The following SVIL variants were observed in gnomAD, a reference collection of about 807,000 sequenced individuals.
SVIL encodes the protein archvillin.
A neutral mutation model predicts 240.4 loss-of-function variants in SVIL; 101 were observed. The observed-to-expected ratio is 0.42, with a 90% CI of 0.36 to 0.50. The LOEUF (loss-of-function observed/expected upper bound fraction) is 0.50, where lower values mean the gene tolerates loss of function less well. Ranked by LOEUF, SVIL falls within the 20% of genes least tolerant of loss-of-function variation. SVIL has a pLI of 0.01. For missense variants in SVIL, 2,512 were observed against 2,818.7 expected, an observed-to-expected ratio of 0.89 and a Z score of 2.46; for synonymous variants, 999 against 1,100.0, an observed-to-expected ratio of 0.91 and a Z score of 1.82.
intron 1 of SVIL, among the ~76,000 whole-genome samples, chr10:29,697,607 G>A (rs1962189197): frequency 8.0e-6 from 1 of 124,558 alleles, no homozygotes; most frequent in South Asian, 2.6e-4. Flanking sequence ...TTAAACAGAT[G>A]CTTGAAGGCA....
intron 2 of SVIL, among the ~76,000 whole-genome samples, chr10:29,681,413 G>GTGTGTGTA (rs756938750): frequency 0.017 from 2,514 of 149,336 alleles, 53 homozygotes; most frequent in East Asian, 0.091. Context: ...AATGGTGTGT[G>GTGTGTGTA]TGTGTGTGTG....
At chr10:29,530,768 A>G (rs757786114) in intron 10 of SVIL, 100 bp from the exon 11 acceptor site, 3 of 1,248,042 alleles carry the variant, frequency 2.4e-6, no homozygotes, top group Non-Finnish European at 3.5e-6. Flanking sequence ...TTTGAATACA[A>G]CAATAGGTGC....
chr10:29,527,505 C>A (rs989277254), intron 12 of SVIL, among the ~76,000 whole-genome samples: 1 of 152,098 alleles, frequency 6.6e-6, no homozygotes, highest in Non-Finnish European at 1.5e-5. Flanking sequence ...TGGCTCACTG[C>A]AAACTCCGCC....
Position 29,550,603 on chromosome 10 carries a change from C to G in SVIL, c.821G>C (p.Arg274Pro). Reference protein sequence around the residue: ...FGDPQLSPEARPSTGKPKHEW... With the variant: ...FGDPQLSPEAPPSTGKPKHEW... ...GCGTGGACTGGATGCTTACCTGGGT[C>G]GGGCCTCAGGGGATAGCTGTGGGTC... The change falls in exon 6 of 38, where the codon CGA becomes CCA. Residue 274 changes from arginine to proline, a missense_variant. By Grantham distance (103) the Arg-to-Pro change is moderately radical (BLOSUM62 -2). Coordinates refer to ENST00000355867, the MANE Select transcript of SVIL (RefSeq NM_021738.3). 7 of 1,605,926 alleles carry G rather than the reference C, an allele frequency of 4.4e-6. No homozygotes were observed. Among genetic ancestry groups the G allele is most frequent in the Non-Finnish European group, 6.0e-6 (7 of 1,176,200 alleles).
chr10:29,632,827 A>C (rs1958151739), intron 1 of SVIL, among the ~76,000 whole-genome samples: 1 of 118,266 alleles, frequency 8.5e-6, no homozygotes, highest in Non-Finnish European at 1.8e-5. Context: ...AGGTGACCAA[A>C]TAAATTATCT....
intron 2 of SVIL, among the ~76,000 whole-genome samples, chr10:29,565,631 T>G (rs1348918788): frequency 6.6e-6 from 1 of 152,060 alleles, no homozygotes; most frequent in Non-Finnish European, 1.5e-5. Context: ...ACACACCTCG[T>G]TAACCCCAGC....
chr10:29,638,842 A>G (rs1320141522), upstream of SVIL, among the ~76,000 whole-genome samples: 1 of 152,324 alleles, frequency 6.6e-6, no homozygotes, highest in East Asian at 1.9e-4. Context: ...CCTGCACATA[A>G]TTTTCAGAAA....
intron 1 of SVIL, among the ~76,000 whole-genome samples, chr10:29,605,406 T>C (rs2132854138): frequency 6.6e-6 from 1 of 152,362 alleles, no homozygotes; most frequent in Non-Finnish European, 1.5e-5. Flanking sequence ...AGAGCAGCTC[T>C]AGAGTTTTGC....
chr10:29,515,019 C>A (rs1950117317), intron 16 of SVIL, among the ~76,000 whole-genome samples: 1 of 152,182 alleles, frequency 6.6e-6, no homozygotes, highest in Non-Finnish European at 1.5e-5. Context: ...AAGGAATCCC[C>A]CAAAGGAGGC....
chr10:29,659,036 G>A (rs762161204), intron 2 of SVIL, among the ~76,000 whole-genome samples: 53 of 152,162 alleles, frequency 3.5e-4, no homozygotes, highest in Non-Finnish European at 6.5e-4. Flanking sequence ...AAGAGTGAGG[G>A]GAAACCCCAC....
chr10:29,506,635 AGAGGGAGGGGACAGAGGCCCTG>A (rs1441957049), intron 17 of SVIL, among the ~76,000 whole-genome samples: 62 of 136,458 alleles, frequency 4.5e-4, no homozygotes, highest in East Asian at 4.1e-3. Flanking sequence ...CAGAGGCCCT[AGAGGGAGGGGACAGAGGCCCTG>A]GAGGGAGGGG....
At chr10:29,691,377 A>G (rs1418148117) in intron 1 of SVIL, among the ~76,000 whole-genome samples, 1 of 151,850 alleles carries the variant, frequency 6.6e-6, no homozygotes, top group African/African-American at 2.4e-5. Flanking sequence ...ACGCCCGGCT[A>G]ATTTTTTGTA....
intron 3 of SVIL, among the ~76,000 whole-genome samples, chr10:29,656,796 T>C (rs1959020350): frequency 6.6e-6 from 1 of 152,198 alleles, no homozygotes; most frequent in Non-Finnish European, 1.5e-5. Context: ...TAAAGCCTTC[T>C]TCCTTGGCAA....
intron 6 of SVIL, among the ~76,000 whole-genome samples, chr10:29,541,624 G>A (rs1042640660): frequency 6.6e-6 from 1 of 152,170 alleles, no homozygotes; most frequent in Non-Finnish European, 1.5e-5. Context: ...CAGAAAGGAG[G>A]GAGGGAGGAG....
intron 6 of SVIL, among the ~76,000 whole-genome samples, chr10:29,546,513 G>T (rs1298527419): frequency 6.6e-6 from 1 of 152,060 alleles, no homozygotes; most frequent in African/African-American, 2.4e-5. Context: ...CTAAAGAATT[G>T]TAAAATAAAT....
chr10:29,538,268 T>G (rs1225514340), intron 6 of SVIL, among the ~76,000 whole-genome samples: 2 of 152,172 alleles, frequency 1.3e-5, no homozygotes, highest in African/African-American at 4.8e-5. Flanking sequence ...CAAGGGCTTG[T>G]GTAAGAATGT....
At chr10:29,715,178 G>A (rs1174296372) in intron 1 of SVIL, among the ~76,000 whole-genome samples, 1 of 152,116 alleles carries the variant, frequency 6.6e-6, no homozygotes, top group Admixed American at 6.5e-5. Flanking sequence ...GGCAAGGTGA[G>A]TATATCCACT....
In SVIL at chr10:29,721,014, T is replaced by A. The variant is rs563773964; in HGVS notation, c.-400+14737A>T. Among the ~76,000 whole-genome samples the A allele has an allele frequency of 2.0e-5, 3 of 152,288 alleles. No individual in the cohort carries two copies. In the East Asian group the frequency reaches 5.8e-4, roughly 29 times the overall value. ...GGCATGTGCCACCACAACCCACTAA[T>A]TTTTGTATTTTTAGAAGAGATGGGG... On this transcript the variant is annotated intron_variant, in intron 1 of 35. Coordinates refer to the SVIL transcript ENST00000375400.
chr10:29,733,012 T>G (rs777719802), intron 1 of SVIL, among the ~76,000 whole-genome samples: 2 of 152,180 alleles, frequency 1.3e-5, no homozygotes. Flanking sequence ...GTAAACTCCT[T>G]GGGCGACTGG....
Sources: gnomAD v4.1 joint callset for allele counts (sites outside exome capture counted in the v4.1 genomes callset) on GRCh38, gnomAD v4.1.1 for gene constraint, MANE v1.5 for transcripts, NCBI Gene and HGNC (gene_info 2026-07-23, HGNC 2026-07-21) for gene names.